Variants in ZNF804B observed in about 807,000 individuals in gnomAD.
ZNF804B encodes the protein zinc finger 804B.
A neutral mutation model predicts 101.4 loss-of-function variants in ZNF804B; 80 were observed. The ratio of observed to expected loss-of-function variants is 0.79; its 90% confidence interval spans 0.66 to 0.95. ZNF804B has a LOEUF of 0.95. Ranked by LOEUF, ZNF804B falls within the 40% of genes least tolerant of loss-of-function variation. The pLI is 0.00. For missense variants in ZNF804B, 1,673 were observed against 1,561.9 expected, an observed-to-expected ratio of 1.07 and a Z score of -1.20; for synonymous variants, 622 against 558.8, an observed-to-expected ratio of 1.11 and a Z score of -1.59.
chr7:89,072,957 A>G (rs1789565118), intron 1 of ZNF804B, among the ~76,000 whole-genome samples: 1 of 152,164 alleles, frequency 6.6e-6, no homozygotes, highest in African/African-American at 2.4e-5. Context: ...CAGGGTATCA[A>G]AGAGCTTATT....
chr7:89,106,406 A>G (rs1367186973), intron 1 of ZNF804B, among the ~76,000 whole-genome samples: 1 of 152,128 alleles, frequency 6.6e-6, no homozygotes, highest in Non-Finnish European at 1.5e-5. Context: ...GACTTCTAGT[A>G]TTATGTGCTA....
chr7:89,070,041 T>C (rs1216840294), intron 1 of ZNF804B, among the ~76,000 whole-genome samples: 1 of 152,148 alleles, frequency 6.6e-6, no homozygotes, highest in Non-Finnish European at 1.5e-5. Flanking sequence ...TTTTATTTAA[T>C]GTGTTTCTTG....
chr7:88,788,931 T>C (rs1790341036), intron 1 of ZNF804B, among the ~76,000 whole-genome samples: 1 of 152,152 alleles, frequency 6.6e-6, no homozygotes, highest in African/African-American at 2.4e-5. Context: ...AATATTCACA[T>C]TCAGTTAAAA....
At chr7:89,051,951 A>T (rs1044830584) in intron 1 of ZNF804B, among the ~76,000 whole-genome samples, 19 of 152,226 alleles carry the variant, frequency 1.2e-4, no homozygotes, top group African/African-American at 4.6e-4. Context: ...GTTAGCTATT[A>T]ATATATACAC....
At chr7:88,839,021 C>G (rs1791258990) in intron 1 of ZNF804B, among the ~76,000 whole-genome samples, 1 of 151,984 alleles carries the variant, frequency 6.6e-6, no homozygotes, top group Non-Finnish European at 1.5e-5. Context: ...ACTGTATTTT[C>G]CATCTTCAAT....
chr7:89,066,806 AG>A (rs1789461714), intron 1 of ZNF804B, among the ~76,000 whole-genome samples: 1 of 151,974 alleles, frequency 6.6e-6, no homozygotes, highest in Admixed American at 6.6e-5. Flanking sequence ...CTTGTTGCCC[AG>A]GCTGGAGTGC....
At chr7:89,173,607 G>T (rs1791271915) in intron 1 of ZNF804B, among the ~76,000 whole-genome samples, 1 of 151,992 alleles carries the variant, frequency 6.6e-6, no homozygotes, top group African/African-American at 2.4e-5. Flanking sequence ...AGAGTGAAAT[G>T]AATAAAATAT....
chr7:89,300,099 G>A (rs992585831), intron 2 of ZNF804B, among the ~76,000 whole-genome samples: 12 of 151,108 alleles, frequency 7.9e-5, no homozygotes, highest in South Asian at 6.2e-4. Context: ...CTTTATCTAC[G>A]CTACTACCTT....
intron 1 of ZNF804B, among the ~76,000 whole-genome samples, chr7:88,837,341 A>G (rs1362037630): frequency 6.6e-6 from 1 of 151,994 alleles, no homozygotes; most frequent in African/African-American, 2.4e-5. Flanking sequence ...GAAATTTTGG[A>G]AAACTTGTGT....
At chr7:88,994,491 A>G (rs2116159670) in intron 1 of ZNF804B, among the ~76,000 whole-genome samples, 1 of 152,182 alleles carries the variant, frequency 6.6e-6, no homozygotes, top group African/African-American at 2.4e-5. Flanking sequence ...ATGAATTCTT[A>G]GCGAAAATTT....
chr7:88,994,390 C>CT (rs1261271203), intron 1 of ZNF804B, among the ~76,000 whole-genome samples: 2 of 151,870 alleles, frequency 1.3e-5, no homozygotes, highest in Non-Finnish European at 2.9e-5. Flanking sequence ...ATTTATGTAC[C>CT]TTTGACAGAT....
chr7:89,168,003 G>A (rs1791169558), intron 1 of ZNF804B, among the ~76,000 whole-genome samples: 1 of 152,004 alleles, frequency 6.6e-6, no homozygotes, highest in African/African-American at 2.4e-5. Flanking sequence ...GTACATTGTA[G>A]TTGACTTTAA....
At chr7:89,177,674 A>T (rs1171184678) in intron 1 of ZNF804B, among the ~76,000 whole-genome samples, 1 of 152,200 alleles carries the variant, frequency 6.6e-6, no homozygotes, top group Admixed American at 6.5e-5. Flanking sequence ...TTATCTGTCT[A>T]GGTGATCTGT....
chr7:88,878,768 G>A (rs1239747467), intron 1 of ZNF804B, among the ~76,000 whole-genome samples: 5 of 152,100 alleles, frequency 3.3e-5, no homozygotes, highest in African/African-American at 9.7e-5. Flanking sequence ...AAATCTTAAT[G>A]AGATAAATAA....
intron 1 of ZNF804B, among the ~76,000 whole-genome samples, chr7:89,201,061 T>G (rs547304439): frequency 6.6e-6 from 1 of 152,146 alleles, no homozygotes; most frequent in South Asian, 2.1e-4. Flanking sequence ...TTCATCGTAT[T>G]TATTTAGATT....
chr7:89,304,959 C>T (rs1054557627), intron 2 of ZNF804B, among the ~76,000 whole-genome samples: 1 of 151,976 alleles, frequency 6.6e-6, no homozygotes, highest in African/African-American at 2.4e-5. Flanking sequence ...AAGATTTTCT[C>T]TCCTTTGGTA....
intron 2 of ZNF804B, among the ~76,000 whole-genome samples, chr7:89,230,179 AAAT>A (rs1789167770): frequency 6.6e-6 from 1 of 152,104 alleles, no homozygotes; most frequent in South Asian, 2.1e-4. Context: ...ATTAGAGCAG[AAAT>A]CAATAACACT....
At chr7:89,065,428 A>AT (rs971634416) in intron 1 of ZNF804B, among the ~76,000 whole-genome samples, 211 of 151,404 alleles carry the variant, frequency 1.4e-3, no homozygotes, top group Non-Finnish European at 1.8e-3. Context: ...CATCGTATGT[A>AT]TTTTTTTTTC....
chr7:89,226,554 A>G (rs1789091362), intron 2 of ZNF804B, among the ~76,000 whole-genome samples: 1 of 151,970 alleles, frequency 6.6e-6, no homozygotes, highest in Non-Finnish European at 1.5e-5. Context: ...TTTGGTTCAC[A>G]TCTTTTCAGA....
Sources: gnomAD v4.1 joint callset for allele counts (sites outside exome capture counted in the v4.1 genomes callset) on GRCh38, gnomAD v4.1.1 for gene constraint, MANE v1.5 for transcripts, NCBI Gene and HGNC (gene_info 2026-07-23, HGNC 2026-07-21) for gene names.